C2CD2L: variants seen among roughly 807,000 people sequenced by gnomAD.
The protein encoded by C2CD2L is C2CD2 like, also known as phospholipid transfer protein C2CD2L.
A neutral mutation model predicts 69.9 loss-of-function variants in C2CD2L; 24 were observed. That is an observed-to-expected ratio of 0.34 (90% confidence interval 0.25 to 0.48). The LOEUF (loss-of-function observed/expected upper bound fraction) is 0.48, where lower values mean the gene tolerates loss of function less well. Among genes scored for constraint, C2CD2L ranks in the 20% least tolerant of loss-of-function variants. The pLI is 0.99. For synonymous variants in C2CD2L, 367 were observed against 391.0 expected (o/e 0.94, Z 0.72); for missense variants, 811 against 941.5 (o/e 0.86, Z 1.81).
upstream of C2CD2L, among the ~76,000 whole-genome samples, chr11:119,103,018 A>G (rs536258278): frequency 2.0e-5 from 3 of 151,914 alleles, no homozygotes; most frequent in South Asian, 6.3e-4. Flanking sequence ...GATTACAGGC[A>G]GTAGCTGGAA....
In C2CD2L at chr11:119,107,738, G is replaced by T. The variant is rs990189950; in HGVS notation, c.-4G>T. The T allele has an allele frequency of 6.7e-7, 1 of 1,500,414 alleles. No individual in the cohort carries two copies. Among genetic ancestry groups the T allele is most frequent in the African/African-American group, 1.5e-5 (1 of 68,836 alleles). The allele number at this position is 1,500,414 out of a possible 1,614,324, so 92.9% of individuals were successfully genotyped here. A position where few individuals can be genotyped will look rare whatever the true frequency, so the allele number is the denominator to read the frequency against. ...CGGGACCGGGATCGGAGCCCGCGCG[G>T]AGCATGGATCCGGGCTGGGGGCAGC... On this transcript the variant is annotated 5_prime_UTR_variant, in exon 1 of 14. Transcript: ENST00000648610. The surrounding 1 kb of genome is among the most constrained non-coding windows in gnomAD (Gnocchi z 5.4).
At position 119,116,131 on chromosome 11, in the gene C2CD2L, C is replaced by A; in HGVS notation, c.1996C>A (p.Leu666Ile). The change falls in exon 14 of 14, where the codon CTC becomes ATC. Residue 666 changes from leucine (L) to isoleucine (I), a missense_variant. Coordinates refer to ENST00000648610, the MANE Select transcript of C2CD2L (RefSeq NM_001290474.2). Reference protein sequence around the residue: ...EAGLSQSHDDLSNATATPSVR... With the variant: ...EAGLSQSHDDISNATATPSVR... ...TGGCCTGAGCCAATCACACGATGAC[C>A]TCTCCAACGCAACGGCCACGCCCAG... 6.2e-7 allele frequency: 1 copy of A among 1,614,252 alleles called. No homozygotes were observed. The highest frequency in any genetic ancestry group is 8.5e-7 in the Non-Finnish European group (1 of 1,180,034).
At chr11:119,104,331 T>C (rs1441527564), upstream of C2CD2L, among the ~76,000 whole-genome samples, 1 of 152,172 alleles carries the variant, frequency 6.6e-6, no homozygotes, top group East Asian at 1.9e-4. Flanking sequence ...CAGCCTGGTA[T>C]TGGGAAGCTT....
At chr11:119,107,286 T>G (rs1001569587), upstream of C2CD2L, 1 of 152,490 alleles carries the variant, frequency 6.6e-6, no homozygotes, top group African/African-American at 2.4e-5. The surrounding 1 kb of genome is among the most constrained non-coding windows in gnomAD (Gnocchi z 5.4). Flanking sequence ...CAGGCTGTCC[T>G]GGCCCCGCCC....
chr11:119,111,503 A>G lies in C2CD2L; in HGVS notation c.911-18A>G. 1 of 1,612,830 alleles carries G rather than the reference A, an allele frequency of 6.2e-7. No homozygotes were observed. The highest frequency in any genetic ancestry group is 1.3e-5 in the African/African-American group (1 of 75,020). ...CCATCTCTGATCTGAGCATCTTCTA[A>G]CTTCTGGTTCATCACAGGCACCGAG... is the stretch of plus-strand genomic sequence containing the variant. On this transcript the variant is annotated intron_variant, in intron 6 of 13. Transcript: ENST00000648610.
Position 119,118,121 on chromosome 11 carries a change from G to A in C2CD2L, c.*1865G>A, listed in dbSNP as rs147456771. 3 of 152,066 alleles carry A rather than the reference G, an allele frequency of 2.0e-5. No homozygotes were observed. The highest frequency in any genetic ancestry group is 4.4e-5 in the Non-Finnish European group (3 of 68,030). 9.4% of individuals were successfully genotyped at this position (152,066 alleles called of 1,614,324 possible). On this transcript the variant is annotated 3_prime_UTR_variant, in exon 14 of 14. Coordinates refer to ENST00000648610, the MANE Select transcript of C2CD2L (RefSeq NM_001290474.2). ...TAGTTTTATATATTTGGGGGGACAA[G>A]TGCAGGTTTCTTACATGCATATATT...
At chr11:119,113,171 TC>T in intron 10 of C2CD2L, 1 of 486,250 alleles carries the variant, frequency 2.1e-6, no homozygotes. Flanking sequence ...TTCACAGGTG[TC>T]CTTAGCCCCA....
chr11:119,106,362 G>GTATGAAGAA (rs1436089575), upstream of C2CD2L, among the ~76,000 whole-genome samples: 1 of 152,220 alleles, frequency 6.6e-6, no homozygotes, highest in African/African-American at 2.4e-5. Context: ...CTTCCCACAT[G>GTATGAAGAA]TATGAAGAAG....
Position 119,108,030 on chromosome 11 carries a change from T to C in C2CD2L, c.289T>C (p.Ser97Pro). 1 of 1,599,516 alleles carries C rather than the reference T, an allele frequency of 6.3e-7. No homozygotes were observed. The highest frequency in any genetic ancestry group is 2.4e-5 in the East Asian group (1 of 42,332). ...CCTGGCGTCACTCTTCGCCTTCAAG[T>C]CTTTCCGGGAGAACTGGCAGCGGGC... ...GLLASLFAFK[S>P]FRENWQRAWV... Residue 97 changes from serine (S) to proline (P), a missense_variant, in exon 1 of 14, where the codon TCT becomes CCT. Ser to Pro is a moderately conservative substitution (Grantham distance 74). Transcript: ENST00000648610.
At chr11:119,103,454 T>C (rs1339474000), upstream of C2CD2L, among the ~76,000 whole-genome samples, 1 of 152,172 alleles carries the variant, frequency 6.6e-6, no homozygotes, top group Non-Finnish European at 1.5e-5. Context: ...CCCAGCACTT[T>C]GGTAGGCGAA....
At position 119,111,534 on chromosome 11, in the gene C2CD2L, G is replaced by C; in HGVS notation, c.924G>C (p.Leu308=). The C allele has an allele frequency of 4.3e-6, 7 of 1,614,168 alleles. No individual in the cohort carries two copies. The highest frequency in any genetic ancestry group is 5.9e-6 in the Non-Finnish European group (7 of 1,180,018). The change falls in exon 7 of 14, where the codon CTG becomes CTC. Residue 308 remains leucine (L), a synonymous_variant. Coordinates refer to ENST00000648610, the MANE Select transcript of C2CD2L (RefSeq NM_001290474.2). ...LGNELEGTEE[L]CCVAELDNPM... ...GGTTCATCACAGGCACCGAGGAACT[G>C]TGCTGTGTAGCTGAACTCGACAACC...
chr11:119,107,781 G>A lies in C2CD2L; in HGVS notation c.40G>A (p.Ala14Thr), dbSNP rs376665407. 72 of 1,545,106 alleles carry A rather than the reference G, an allele frequency of 4.7e-5. No individual in the cohort carries two copies. In the South Asian group the frequency reaches 7.8e-4, roughly 17 times the overall value. Reference sequence around the variant, plus strand: ...GGGGCAGCGGGACGTGGGCTGGGCGGCCTTGCTGATCCTCTTCGCCGCCTC... The same window carrying A: ...GGGGCAGCGGGACGTGGGCTGGGCGACCTTGCTGATCCTCTTCGCCGCCTC... ...GWGQRDVGWA[A>T]LLILFAASLL... Residue 14 changes from alanine (A) to threonine (T), a missense_variant, in exon 1 of 14, where the codon GCC becomes ACC. By Grantham distance (58) the Ala-to-Thr change is moderately conservative. Coordinates refer to ENST00000648610, the MANE Select transcript of C2CD2L (RefSeq NM_001290474.2). This position sits in a 1 kb window ranked among gnomAD's most constrained non-coding sequence, Gnocchi z 5.4.
At chr11:119,111,696 C>T in intron 7 of C2CD2L, 67 bp downstream of exon 7, 1 of 1,091,376 alleles carries the variant, frequency 9.2e-7, no homozygotes, top group Non-Finnish European at 1.3e-6. Context: ...CCAGCACAGT[C>T]CTTGCAGGAA....
At chr11:119,103,220 TCCCCGA>T (rs1306000123), upstream of C2CD2L, among the ~76,000 whole-genome samples, 5 of 151,986 alleles carry the variant, frequency 3.3e-5, no homozygotes, top group Admixed American at 2.6e-4. Context: ...TACCTTTCAT[TCCCCGA>T]CAGGCTCTTA....
upstream of C2CD2L, among the ~76,000 whole-genome samples, chr11:119,106,423 C>T (rs1946589131): frequency 6.6e-6 from 1 of 152,170 alleles, no homozygotes; most frequent in Non-Finnish European, 1.5e-5. Context: ...AATCCTTTTG[C>T]AGGTATTTCC....
rs376968970 is a variant in C2CD2L at position 119,110,083 on chromosome 11, A to G, written c.355-21A>G. On this transcript the variant is annotated intron_variant, in intron 1 of 13. Transcript: ENST00000648610. The surrounding 1 kb of genome is among the most constrained non-coding windows in gnomAD (Gnocchi z 5.7). Reference sequence around the variant, plus strand: ...GGGGCAGCTCCAGAGACCTGATCCAATGCCCACATTACTCCCTCAGAGCTC... The same window carrying G: ...GGGGCAGCTCCAGAGACCTGATCCAGTGCCCACATTACTCCCTCAGAGCTC... 1.9e-5 allele frequency: 30 copies of G among 1,568,874 alleles called. No individual in the cohort carries two copies. The highest frequency in any genetic ancestry group is 2.4e-5 in the Non-Finnish European group (27 of 1,138,774).
At position 119,116,535 on chromosome 11, in the gene C2CD2L, C is replaced by G. The variant is rs2134979022; in HGVS notation, c.*279C>G. The G allele has an allele frequency of 3.6e-6, 2 of 549,720 alleles. No homozygotes were observed. Among genetic ancestry groups the G allele is most frequent in the East Asian group, 6.1e-5 (2 of 32,554 alleles). The allele number at this position is 549,720 out of a possible 1,614,324, so 34.1% of individuals were successfully genotyped here. The stretch of plus-strand genomic sequence containing the variant: ...GGGTATTCCCCAGAAGCATTTGCCT[C>G]CTGCTGAGCCTGGTCCCTGAGCGGA... On this transcript the variant is annotated 3_prime_UTR_variant, in exon 14 of 14. Coordinates refer to ENST00000648610, the MANE Select transcript of C2CD2L (RefSeq NM_001290474.2).
chr11:119,113,244 C>T (rs1946796888), intron 10 of C2CD2L: 1 of 389,014 alleles, frequency 2.6e-6, no homozygotes, highest in Admixed American at 4.2e-5. Context: ...GGTCCTCCAA[C>T]AAACCCAGAG....
rs998944359 is a variant in C2CD2L at position 119,107,441 on chromosome 11, G to C, written c.-301G>C. The C allele has an allele frequency of 3.6e-6, 1 of 278,210 alleles. No homozygotes were observed. The highest frequency in any genetic ancestry group is 6.7e-6 in the Non-Finnish European group (1 of 149,630). The allele number at this position is 278,210 out of a possible 1,614,324, so 17.2% of individuals were successfully genotyped here. On this transcript the variant is annotated 5_prime_UTR_variant, in exon 1 of 14. Transcript: ENST00000648610. The surrounding 1 kb of genome is among the most constrained non-coding windows in gnomAD (Gnocchi z 5.4). The stretch of plus-strand genomic sequence containing the variant: ...TGCAGACCAGTCCCCTCCAGGGTCC[G>C]GCGGGGCCCGCGCGGTGGGAGGAGT...
Sources: gnomAD v4.1 joint callset for allele counts (sites outside exome capture counted in the v4.1 genomes callset) on GRCh38, gnomAD v4.1.1 for gene constraint, Gnocchi (gnomAD v3.1) non-coding constraint, MANE v1.5 for transcripts, NCBI Gene and HGNC (gene_info 2026-07-23, HGNC 2026-07-21) for gene names.